PRDM16: variants seen among roughly 807,000 people sequenced by gnomAD.
PRDM16 encodes histone-lysine N-methyltransferase PRDM16.
In PRDM16, 23 loss-of-function variants were observed where a neutral mutation model predicts 110.6. The observed-to-expected ratio is 0.21, with a 90% CI of 0.15 to 0.29. PRDM16 has a LOEUF of 0.29. PRDM16 is among the 10% of genes least tolerant of loss of function. The pLI, the probability that PRDM16 is intolerant of heterozygous loss-of-function variation, is 1.00. For synonymous variants in PRDM16, 799 were observed against 781.8 expected (o/e 1.02, Z -0.37); for missense variants, 1,615 against 1,794.3 (o/e 0.90, Z 1.81).
chr1:3,284,604 G>T (rs1343191599), intron 3 of PRDM16, among the ~76,000 whole-genome samples: 2 of 152,230 alleles, frequency 1.3e-5, no homozygotes, highest in African/African-American at 4.8e-5. Flanking sequence ...GCGGCCAGGG[G>T]GAGCCCCACA....
intron 1 of PRDM16, among the ~76,000 whole-genome samples, chr1:3,086,242 G>A (rs1315861974): frequency 6.6e-6 from 1 of 152,110 alleles, no homozygotes; most frequent in African/African-American, 2.4e-5. Flanking sequence ...GTGCTTGCCT[G>A]GCTGTGACAG....
In PRDM16 at chr1:3,411,907, G is replaced by A. The variant is rs1330723681; in HGVS notation, c.1710G>A (p.Thr570=). 15 of 1,613,524 alleles carry A rather than the reference G, an allele frequency of 9.3e-6. No individual in the cohort carries two copies. The Admixed American group carries it at 2.3e-4, about 25-fold the overall frequency. ...TCAGCAACAGCAGCCAGGGCACGAC[G>A]GCAGCTGCGGGGCCCGAGGAGAAGT... is the stretch of plus-strand genomic sequence containing the variant. ...SAVSNSSQGT[T]AAAGPEEKFE... is the part of the protein sequence containing the mutation. The change falls in exon 9 of 17, where the codon ACG becomes ACA. Residue 570 remains threonine, a synonymous_variant. Transcript: ENST00000270722.
intron 1 of PRDM16, among the ~76,000 whole-genome samples, chr1:3,132,297 G>T (rs1438024434): frequency 6.6e-6 from 1 of 152,326 alleles, no homozygotes; most frequent in African/African-American, 2.4e-5. Context: ...TGTGGTCCCT[G>T]CCCAACTGAT....
At chr1:3,094,768 G>C (rs962657186) in intron 1 of PRDM16, among the ~76,000 whole-genome samples, 4 of 152,220 alleles carry the variant, frequency 2.6e-5, no homozygotes, top group Non-Finnish European at 5.9e-5. Context: ...CAAGGCCTTC[G>C]GGTGCTTCCC....
At position 3,244,050 on chromosome 1, in the gene PRDM16, TC is replaced by T. The variant is rs746625810; in HGVS notation, c.388-36del. The T allele has an allele frequency of 1.2e-6, 2 of 1,609,076 alleles. No homozygotes were observed. Among genetic ancestry groups the T allele is most frequent in the Admixed American group, 3.3e-5 (2 of 60,016 alleles). ...CCCAGTGTAGCTTGAGAATGTTTTA[TC>T]AGAAACTAACAACCCCTCTCAAAAT... On this transcript the variant is annotated intron_variant, in intron 2 of 16. Coordinates refer to ENST00000270722, the MANE Select transcript of PRDM16 (RefSeq NM_022114.4). The surrounding 1 kb of genome is among the most constrained non-coding windows in gnomAD (Gnocchi z 4.1).
intron 12 of PRDM16, among the ~76,000 whole-genome samples, chr1:3,422,215 C>T (rs904244042): frequency 3.4e-5 from 5 of 147,560 alleles, no homozygotes; most frequent in African/African-American, 7.6e-5. Context: ...GATGGACAGA[C>T]AGGCAGACAG....
chr1:3,267,983 C>G (rs1007719945), intron 3 of PRDM16, among the ~76,000 whole-genome samples: 1 of 152,228 alleles, frequency 6.6e-6, no homozygotes, highest in African/African-American at 2.4e-5. Context: ...ATCTGCCTGC[C>G]GTTCGCAAGC....
chr1:3,256,624 C>T (rs987403298), intron 3 of PRDM16, among the ~76,000 whole-genome samples: 6 of 151,884 alleles, frequency 4.0e-5, no homozygotes, highest in African/African-American at 1.2e-4. Context: ...TTTGGGAGGC[C>T]GAGGCAGGCG....
intron 3 of PRDM16, among the ~76,000 whole-genome samples, chr1:3,263,785 C>T (rs1008215901): frequency 1.3e-5 from 2 of 152,342 alleles, no homozygotes; most frequent in South Asian, 2.1e-4. Flanking sequence ...GAACGTGAAG[C>T]CAGGAGAAGC....
intron 1 of PRDM16, among the ~76,000 whole-genome samples, chr1:3,075,273 C>T (rs1009892729): frequency 7.2e-5 from 11 of 152,252 alleles, no homozygotes; most frequent in Non-Finnish European, 1.3e-4. Context: ...ATAACTATTT[C>T]TGTCCATGAA....
chr1:3,286,342 G>A (rs1311301556), intron 3 of PRDM16, among the ~76,000 whole-genome samples: 6 of 152,226 alleles, frequency 3.9e-5, no homozygotes, highest in African/African-American at 9.6e-5. Flanking sequence ...AGAGCACAGC[G>A]TCCCCACAGC....
intron 3 of PRDM16, among the ~76,000 whole-genome samples, chr1:3,322,102 CTG>C (rs762984109): frequency 4.0e-5 from 6 of 149,884 alleles, no homozygotes; most frequent in Admixed American, 6.6e-5. Context: ...GTGTGCGGCT[CTG>C]TGTGATTGTG....
At chr1:3,194,654 G>A (rs976162533) in intron 2 of PRDM16, among the ~76,000 whole-genome samples, 24 of 147,920 alleles carry the variant, frequency 1.6e-4, no homozygotes, top group Non-Finnish European at 2.9e-4. Flanking sequence ...ACACGCCACC[G>A]TCTCCCCGCC....
intron 3 of PRDM16, among the ~76,000 whole-genome samples, chr1:3,274,205 C>G (rs1640531336): frequency 6.6e-6 from 1 of 152,122 alleles, no homozygotes; most frequent in Non-Finnish European, 1.5e-5. Context: ...ACCTGACGCC[C>G]TGGCAGGTAA....
chr1:3,313,328 G>T (rs540413825), intron 3 of PRDM16, among the ~76,000 whole-genome samples: 1 of 152,230 alleles, frequency 6.6e-6, no homozygotes. Context: ...TGAGTCAGAA[G>T]GGGAGAGCTG....
At chr1:3,150,654 C>T (rs1213379605) in intron 1 of PRDM16, among the ~76,000 whole-genome samples, 2 of 152,144 alleles carry the variant, frequency 1.3e-5, no homozygotes, top group Non-Finnish European at 2.9e-5. Flanking sequence ...TGCGGACTCC[C>T]CTTTCCCTGG....
At position 3,243,136 on chromosome 1, in the gene PRDM16, C is replaced by T. The variant is rs1639713216; in HGVS notation, c.388-951C>T. On this transcript the variant is annotated intron_variant, in intron 2 of 16. Transcript: ENST00000270722. This position sits in a 1 kb window ranked among gnomAD's most constrained non-coding sequence, Gnocchi z 5.5. ...CCGACTGCTGGCCCACTCCAGCCTCCCTGTCTCGGCCTCTGTCCACACGTG... is the reference window on the plus strand; with the variant it reads ...CCGACTGCTGGCCCACTCCAGCCTCTCTGTCTCGGCCTCTGTCCACACGTG... Among the ~76,000 whole-genome samples the T allele has an allele frequency of 6.6e-6, 1 of 152,244 alleles. No homozygotes were observed. Among genetic ancestry groups the T allele is most frequent in the Non-Finnish European group, 1.5e-5 (1 of 68,034 alleles).
intron 2 of PRDM16, among the ~76,000 whole-genome samples, chr1:3,210,620 G>C (rs1638861997): frequency 6.6e-6 from 1 of 152,256 alleles, no homozygotes; most frequent in African/African-American, 2.4e-5. Context: ...GAGGGAATCA[G>C]AATTCAAGAG....
chr1:3,403,546 A>G (rs766889756), intron 6 of PRDM16, among the ~76,000 whole-genome samples: 24 of 152,208 alleles, frequency 1.6e-4, no homozygotes, highest in Non-Finnish European at 2.8e-4. Flanking sequence ...GCTCCCCACC[A>G]GGTGGCAGCG....
Sources: allele counts gnomAD v4.1 joint callset (sites outside exome capture counted in the v4.1 genomes callset), GRCh38; gene constraint gnomAD v4.1.1; non-coding constraint Gnocchi (gnomAD v3.1); transcripts MANE v1.5; gene names NCBI Gene and HGNC (gene_info 2026-07-23, HGNC 2026-07-21).